The following NR2F6 variants were observed in gnomAD, a reference collection of about 807,000 sequenced individuals.
NR2F6 encodes the protein nuclear receptor subfamily 2 group F member 6.
A neutral mutation model predicts 26.5 loss-of-function variants in NR2F6; 16 were observed. That is an observed-to-expected ratio of 0.60 (90% confidence interval 0.41 to 0.92). The LOEUF (loss-of-function observed/expected upper bound fraction) is 0.92, where lower values mean the gene tolerates loss of function less well. Ranked by LOEUF, NR2F6 falls within the 40% of genes least tolerant of loss-of-function variation. The pLI is 0.00. For synonymous variants in NR2F6, 325 were observed against 305.0 expected (o/e 1.07, Z -0.68); for missense variants, 536 against 631.7 (o/e 0.85, Z 1.62).
Position 17,236,709 on chromosome 19 carries a change from A to C in NR2F6, c.374-644T>G, listed in dbSNP as rs148826722. Among the ~76,000 whole-genome samples, 1,120 of 152,210 alleles carry C rather than the reference A, an allele frequency of 7.4e-3. 64 individuals are homozygous for C. Among genetic ancestry groups the C allele is most frequent in the Admixed American group, 0.067 (1,027 of 15,290 alleles). ...TCTACCTTCCATCCCCCTCCCCACC[A>C]GATGGTGACCCCTGAGGGCCGGTCT... On this transcript the variant is annotated intron_variant, in intron 2 of 3. Coordinates refer to ENST00000291442, the MANE Select transcript of NR2F6 (RefSeq NM_005234.4).
rs1394477621 is a variant in NR2F6 at position 17,235,081 on chromosome 19, G to T, written c.940+418C>A. 6.6e-6 allele frequency among the ~76,000 whole-genome samples: 1 copy of T among 152,190 alleles called. No individual in the cohort carries two copies. Among genetic ancestry groups the T allele is most frequent in the African/African-American group, 2.4e-5 (1 of 41,464 alleles). ...TGCCCTGGGAGCCCAGTGGGGGCCT[G>T]AGGGGGCCAGAACCAGGGGGTCAGG... On this transcript the variant is annotated intron_variant, in intron 3 of 3. Coordinates refer to ENST00000291442, the MANE Select transcript of NR2F6 (RefSeq NM_005234.4). This position sits in a 1 kb window ranked among gnomAD's most constrained non-coding sequence, Gnocchi z 5.0.
chr19:17,240,571 AG>A, intron 2 of NR2F6, 99 bp downstream of exon 2: 1 of 1,293,412 alleles, frequency 7.7e-7, no homozygotes, highest in South Asian at 1.2e-5. Flanking sequence ...TGTGAAAGGG[AG>A]GGGTGAAAGG....
At chr19:17,240,846 C>A (rs2073465656) in intron 1 of NR2F6, 81 bp from the exon 2 acceptor site, 4 of 1,413,414 alleles carry the variant, frequency 2.8e-6, no homozygotes, top group Non-Finnish European at 3.9e-6. Flanking sequence ...CCTTTGGAGG[C>A]TGCCCCTCAG....
chr19:17,245,118 G>T lies in NR2F6; in HGVS notation c.103C>A (p.Pro35Thr), dbSNP rs771728106. 10 of 1,536,142 alleles carry T rather than the reference G, an allele frequency of 6.5e-6. No homozygotes were observed. In the African/African-American group the frequency reaches 1.4e-4, roughly 22 times the overall value. Residue 35 changes from proline to threonine, a missense_variant, in exon 1 of 4, where the codon CCC (proline) becomes ACC (threonine). Transcript: ENST00000291442. The surrounding 1 kb of genome is among the most constrained non-coding windows in gnomAD (Gnocchi z 5.0). ...PRAAEDDSAS[P>T]PGAASDAEPG... ...TCGGCGTCGCTGGCGGCACCGGGGG[G>T]CGAGGCCGAGTCGTCCTCGGCCGCG...
In NR2F6 at chr19:17,240,561, T is replaced by G. The variant is rs988121073; in HGVS notation, c.373+110A>C. The G allele has an allele frequency of 8.8e-6, 10 of 1,140,080 alleles. No individual in the cohort carries two copies. The East Asian group carries it at 2.4e-4, about 27-fold the overall frequency. 70.6% of individuals were successfully genotyped at this position (1,140,080 alleles called of 1,614,324 possible). Reference sequence around the variant, plus strand: ...CCACCCTGTGAGGCACCCAGACCCCTGTGAAAGGGAGGGGTGAAAGGGAGG... The same window carrying G: ...CCACCCTGTGAGGCACCCAGACCCCGGTGAAAGGGAGGGGTGAAAGGGAGG... On this transcript the variant is annotated intron_variant, in intron 2 of 3. Coordinates refer to ENST00000291442, the MANE Select transcript of NR2F6 (RefSeq NM_005234.4).
rs2073411036 is a variant in NR2F6 at position 17,232,199 on chromosome 19, G to A, written c.*153C>T. ...TGGTTTCATGATCATTTAAAAAACA[G>A]AAAAGACAAACATTTCACAGTCTTT... is the stretch of plus-strand genomic sequence containing the variant. On this transcript the variant is annotated 3_prime_UTR_variant, in exon 4 of 4. Coordinates refer to ENST00000291442, the MANE Select transcript of NR2F6 (RefSeq NM_005234.4). 2.7e-6 allele frequency: 3 copies of A among 1,105,046 alleles called. No homozygotes were observed. In the Admixed American group the frequency reaches 8.6e-5, roughly 32 times the overall value. 68.5% of individuals were successfully genotyped at this position (1,105,046 alleles called of 1,614,324 possible).
At chr19:17,244,740 G>A (rs2303818) in intron 1 of NR2F6, among the ~76,000 whole-genome samples, 19,086 of 152,230 alleles carry the variant, frequency 0.13, 1,843 homozygotes, top group East Asian at 0.44. Context: ...CCTGATGGGG[G>A]GGGAACCTGC....
chr19:17,235,956 G>A lies in NR2F6; in HGVS notation c.483C>T (p.Phe161=), dbSNP rs986738945. The A allele has an allele frequency of 8.1e-6, 12 of 1,479,516 alleles. No homozygotes were observed. Among genetic ancestry groups the A allele is most frequent in the Admixed American group, 4.5e-5 (2 of 44,158 alleles). 91.6% of individuals were successfully genotyped at this position (1,479,516 alleles called of 1,614,324 possible). ...LAAVASGGDL[F]PGQPVSELIA... is the part of the protein sequence containing the mutation. ...TCAGTTCGGACACCGGCTGCCCCGG[G>A]AAGAGGTCTCCGCCGCTCGCCACTG... The change falls in exon 3 of 4, where the codon TTC becomes TTT. Residue 161 remains phenylalanine, a synonymous_variant. Transcript: ENST00000291442. The surrounding 1 kb of genome is among the most constrained non-coding windows in gnomAD (Gnocchi z 5.0).
chr19:17,232,709 G>T, intron 3 of NR2F6, 83 bp from the exon 4 acceptor site: 1 of 1,443,062 alleles, frequency 6.9e-7, no homozygotes, highest in East Asian at 2.3e-5. Flanking sequence ...GACACCACTC[G>T]CCACTGTGGG....
chr19:17,245,228 G>T lies in NR2F6; in HGVS notation c.-8C>A. ...GCCGGTCACCATGGCCATAGCCCCA[G>T]GGCAGCGGGGCCGGGGCGCCCCCAC... On this transcript the variant is annotated 5_prime_UTR_variant, in exon 1 of 4. It adds an upstream start codon to the 5' untranslated region. Transcript: ENST00000291442. The surrounding 1 kb of genome is among the most constrained non-coding windows in gnomAD (Gnocchi z 5.0). The T allele has an allele frequency of 7.8e-7, 1 of 1,276,582 alleles. No homozygotes were observed. The highest frequency in any genetic ancestry group is 2.5e-5 in the South Asian group (1 of 39,550). The allele number at this position is 1,276,582 out of a possible 1,614,324, so 79.1% of individuals were successfully genotyped here.
chr19:17,242,213 G>C (rs577629373), intron 1 of NR2F6, among the ~76,000 whole-genome samples: 91 of 151,978 alleles, frequency 6.0e-4, no homozygotes, highest in African/African-American at 2.1e-3. Flanking sequence ...AGCTATTTGG[G>C]AGGCTGAGGC....
rs1381439425 is a variant in NR2F6, at chr19:17,235,581, C to T, written c.858G>A (p.Gln286=). ...GGCGGCCCAGCTTGTCCACCTGCTC[C>T]TGGAAGGCGCGCACCTGGTCCATGA... The part of the protein sequence containing the change: ...VAFMDQVRAF[Q]EQVDKLGRLQ... Residue 286 remains glutamine, a synonymous_variant, in exon 3 of 4, where the codon CAG becomes CAA. Transcript: ENST00000291442. This position sits in a 1 kb window ranked among gnomAD's most constrained non-coding sequence, Gnocchi z 5.0. 3 of 1,589,180 alleles carry T rather than the reference C, an allele frequency of 1.9e-6. No homozygotes were observed. Among genetic ancestry groups the T allele is most frequent in the Non-Finnish European group, 2.6e-6 (3 of 1,175,342 alleles).
Position 17,235,835 on chromosome 19 carries a change from CGTT to C in NR2F6, c.601_603del (p.Asn201del), listed in dbSNP as rs961718414. On this transcript the variant is annotated inframe_deletion, in exon 3 of 4. Transcript: ENST00000291442. This position sits in a 1 kb window ranked among gnomAD's most constrained non-coding sequence, Gnocchi z 5.0. ...AGCAGCCGCGCCGCCAGCTCGCACA[CGTT>C]GTCGATGCCCAGCACCGCGCCCGCC... 3 of 1,480,064 alleles carry C rather than the reference CGTT, an allele frequency of 2.0e-6. No homozygotes were observed. Among genetic ancestry groups the C allele is most frequent in the African/African-American group, 1.5e-5 (1 of 67,996 alleles). The allele number at this position is 1,480,064 out of a possible 1,614,324, so 91.7% of individuals were successfully genotyped here.
Position 17,236,085 on chromosome 19 carries a change from G to A in NR2F6, c.374-20C>T, listed in dbSNP as rs1477015510. 4.0e-5 allele frequency: 42 copies of A among 1,046,964 alleles called. No individual in the cohort carries two copies. In the African/African-American group the frequency reaches 5.0e-4, roughly 12 times the overall value. The allele number at this position is 1,046,964 out of a possible 1,614,324, so 64.9% of individuals were successfully genotyped here. On this transcript the variant is annotated intron_variant, in intron 2 of 3. Coordinates refer to ENST00000291442, the MANE Select transcript of NR2F6 (RefSeq NM_005234.4). ...GCACCGCTGCGGGAGGCGGGGACAG[G>A]AGGGACATGGGGGCGGGAGGGGAGG...
At chr19:17,234,226 A>C (rs1812654) in intron 3 of NR2F6, among the ~76,000 whole-genome samples, 32,061 of 150,462 alleles carry the variant, frequency 0.21, 3,468 homozygotes, top group African/African-American at 0.29. Flanking sequence ...CCGTCTCAAA[A>C]AAAAAAAAAA....
chr19:17,242,481 C>T (rs895185748), intron 1 of NR2F6, among the ~76,000 whole-genome samples: 1 of 152,142 alleles, frequency 6.6e-6, no homozygotes, highest in African/African-American at 2.4e-5. Context: ...GAGGGGTTCA[C>T]GGGGGACAGT....
At chr19:17,236,295 TGGGGGGCAGGTGGG>T (rs1227612778) in intron 2 of NR2F6, among the ~76,000 whole-genome samples, 3 of 15,874 alleles carry the variant, frequency 1.9e-4, no homozygotes, top group African/African-American at 3.0e-4. Flanking sequence ...AGACATGGGG[TGGGGGGCAGGTGGG>T]GGGGGGCAGG....
rs2073490944 is a variant in NR2F6 at position 17,245,127 on chromosome 19, A to G, written c.94T>C (p.Ser32Pro). ...CTGGCGGCACCGGGGGGCGAGGCCG[A>G]GTCGTCCTCGGCCGCGCGCGGGTAG... ...GGYPRAAEDD[S>P]ASPPGAASDA... The change falls in exon 1 of 4, where the codon TCG becomes CCG. Residue 32 changes from serine to proline, a missense_variant. Ser to Pro is a moderately conservative substitution (Grantham distance 74). Transcript: ENST00000291442. The surrounding 1 kb of genome is among the most constrained non-coding windows in gnomAD (Gnocchi z 5.0). The G allele has an allele frequency of 6.6e-7, 1 of 1,522,232 alleles. No homozygotes were observed. Among genetic ancestry groups the G allele is most frequent in the Admixed American group, 2.1e-5 (1 of 47,138 alleles). 94.3% of individuals were successfully genotyped at this position (1,522,232 alleles called of 1,614,324 possible).
At chr19:17,240,527 C>A in intron 2 of NR2F6, 144 bp downstream of exon 2, 4 of 809,414 alleles carry the variant, frequency 4.9e-6, no homozygotes, top group Non-Finnish European at 8.2e-6. Context: ...GGTTAGCAGG[C>A]GCCGGCCCCC....
Sources: gnomAD v4.1 joint callset for allele counts (sites outside exome capture counted in the v4.1 genomes callset) on GRCh38, gnomAD v4.1.1 for gene constraint, Gnocchi (gnomAD v3.1) non-coding constraint, MANE v1.5 for transcripts, NCBI Gene and HGNC (gene_info 2026-07-23, HGNC 2026-07-21) for gene names.